TRIOBP: variants seen among roughly 807,000 people sequenced by gnomAD.
TRIOBP encodes the protein TRIO and F-actin-binding protein.
TRIOBP carries 169 observed loss-of-function variants against 238.8 expected under a neutral mutation model. The observed-to-expected ratio is 0.71, with a 90% confidence interval of 0.62 to 0.80. TRIOBP has a LOEUF of 0.80. TRIOBP is among the 30% of genes least tolerant of loss of function. The pLI is 0.00. For synonymous variants in TRIOBP, 1,150 were observed against 1,274.4 expected (o/e 0.90, Z 2.08); for missense variants, 2,838 against 3,122.6 (o/e 0.91, Z 2.17).
intron 11 of TRIOBP, 110 bp downstream of exon 11, chr22:37,741,142 C>T (rs1601643929): frequency 1.4e-6 from 2 of 1,408,292 alleles, no homozygotes; most frequent in Non-Finnish European, 9.6e-7. Context: ...GAGGAGGAGG[C>T]ACCTAGGGCC....
chr22:37,727,606 T>G (rs1255574607), intron 7 of TRIOBP, among the ~76,000 whole-genome samples: 1 of 152,106 alleles, frequency 6.6e-6, no homozygotes, highest in East Asian at 1.9e-4. Flanking sequence ...AGGCGGAGCT[T>G]GCAGTGAGCC....
In TRIOBP at chr22:37,769,137, A is replaced by T. The variant is rs1569063655; in HGVS notation, c.6685A>T (p.Thr2229Ser). The T allele has an allele frequency of 3.7e-6, 6 of 1,612,554 alleles. No individual in the cohort carries two copies. The highest frequency in any genetic ancestry group is 5.1e-6 in the Non-Finnish European group (6 of 1,179,790). Residue 2229 changes from threonine (T) to serine (S), a missense_variant, in exon 20 of 24, where the codon ACG (threonine) becomes TCG (serine). Coordinates refer to ENST00000644935, the MANE Select transcript of TRIOBP (RefSeq NM_001039141.3). ...LMRQAEEREHTLRRCQQEGQE... is the reference protein window; with the variant it reads ...LMRQAEEREHSLRRCQQEGQE... ...GCGGCAGGCTGAGGAGCGCGAGCAC[A>T]CGCTGCGCCGCTGCCAGCAGGAGGG...
chr22:37,764,057 G>A (rs560789868), intron 17 of TRIOBP, among the ~76,000 whole-genome samples: 4 of 152,262 alleles, frequency 2.6e-5, no homozygotes, highest in African/African-American at 7.2e-5. Flanking sequence ...TGAACTCTTC[G>A]CTTCTGCCCC....
chr22:37,714,908 T>C (rs553042809), intron 5 of TRIOBP, among the ~76,000 whole-genome samples: 1 of 152,242 alleles, frequency 6.6e-6, no homozygotes, highest in African/African-American at 2.4e-5. Context: ...AAGTGCTTTT[T>C]ACTGAGGCCA....
chr22:37,710,272 A>T (rs1187007939), intron 3 of TRIOBP, among the ~76,000 whole-genome samples, 155 bp from the exon 4 acceptor site: 1 of 152,216 alleles, frequency 6.6e-6, no homozygotes, highest in East Asian at 1.9e-4. Flanking sequence ...TTGAGTCCCA[A>T]GGGGTGCTTC....
intron 18 of TRIOBP, among the ~76,000 whole-genome samples, chr22:37,766,106 G>A (rs1926482515): frequency 6.6e-6 from 1 of 152,158 alleles, no homozygotes; most frequent in Non-Finnish European, 1.5e-5. Flanking sequence ...TCTGCCTAAA[G>A]GCACATGCTA....
Position 37,715,813 on chromosome 22 carries a change from G to T in TRIOBP, c.507G>T (p.Glu169Asp). 3 of 1,614,128 alleles carry T rather than the reference G, an allele frequency of 1.9e-6. No homozygotes were observed. The highest frequency in any genetic ancestry group is 1.1e-5 in the South Asian group (1 of 91,082). Residue 169 changes from glutamate (E) to aspartate (D), a missense_variant, in exon 6 of 24, where the codon GAG (glutamate) becomes GAT (aspartate). Coordinates refer to ENST00000644935, the MANE Select transcript of TRIOBP (RefSeq NM_001039141.3). Reference sequence around the variant, plus strand: ...AGGAGGAGGCCCCCAGCTGGGACGAGCTCGCAGTGATGATCCCGAGGAGGC... The same window carrying T: ...AGGAGGAGGCCCCCAGCTGGGACGATCTCGCAGTGATGATCCCGAGGAGGC... ...RQEEEAPSWD[E>D]LAVMIPRRPR...
chr22:37,771,637 C>G lies in TRIOBP; in HGVS notation c.6850-13C>G. 1 of 1,613,474 alleles carries G rather than the reference C, an allele frequency of 6.2e-7. No individual in the cohort carries two copies. The highest frequency in any genetic ancestry group is 8.5e-7 in the Non-Finnish European group (1 of 1,179,758). On this transcript the variant is annotated splice_polypyrimidine_tract_variant and intron_variant, in intron 21 of 23. Transcript: ENST00000644935. ...CTTCTGGCCCTGGGTCAGTCCAGCA[C>G]CTATATCCCCAGGTGCTGCTTCGCG...
rs192731128 is a variant in TRIOBP at position 37,716,977 on chromosome 22, G to A, written c.628+1043G>A. ...GTCATGGTTTCAAAGTATTGTGTCCGGAATTGGTGGGTTCTTGGTCTCACT... is the reference window on the plus strand; with the variant it reads ...GTCATGGTTTCAAAGTATTGTGTCCAGAATTGGTGGGTTCTTGGTCTCACT... On this transcript the variant is annotated intron_variant, in intron 6 of 23. Transcript: ENST00000644935. Among the ~76,000 whole-genome samples, 68 of 152,294 alleles carry A rather than the reference G, an allele frequency of 4.5e-4. No individual in the cohort carries two copies. The East Asian group carries it at 9.8e-3, about 22-fold the overall frequency.
rs779068519 is a variant in TRIOBP, at chr22:37,715,820, G to C, written c.514G>C (p.Val172Leu). Residue 172 changes from valine (V) to leucine (L), a missense_variant, in exon 6 of 24, where the codon GTG becomes CTG. Transcript: ENST00000644935. Reference protein sequence around the residue: ...EEAPSWDELAVMIPRRPREGP... With the variant: ...EEAPSWDELALMIPRRPREGP... ...GGCCCCCAGCTGGGACGAGCTCGCA[G>C]TGATGATCCCGAGGAGGCCTCGGGA... The C allele has an allele frequency of 9.3e-6, 15 of 1,614,006 alleles. No homozygotes were observed. The Admixed American group carries it at 2.3e-4, about 25-fold the overall frequency.
In TRIOBP at chr22:37,724,500, C is replaced by G; in HGVS notation, c.1944C>G (p.Pro648=). 1 of 1,603,916 alleles carries G rather than the reference C, an allele frequency of 6.2e-7. No individual in the cohort carries two copies. The highest frequency in any genetic ancestry group is 1.7e-5 in the Admixed American group (1 of 59,600). The change falls in exon 7 of 24, where the codon CCC becomes CCG. Residue 648 remains proline, a synonymous_variant. Transcript: ENST00000644935. ...ACAGAACCACCCAACAAGACAGCCCCAGAACATCCTGTGCCCGACGGGACG... is the reference window on the plus strand; with the variant it reads ...ACAGAACCACCCAACAAGACAGCCCGAGAACATCCTGTGCCCGACGGGACG... The part of the protein sequence containing the change: ...SPNRTTQQDS[P]RTSCARRDDP...
At chr22:37,729,198 G>A (rs1287020375) in intron 7 of TRIOBP, among the ~76,000 whole-genome samples, 2 of 150,950 alleles carry the variant, frequency 1.3e-5, no homozygotes, top group Non-Finnish European at 1.5e-5. Flanking sequence ...GATTATAGGC[G>A]TGAGCCACCG....
At chr22:37,717,717 C>T (rs1923595783) in intron 6 of TRIOBP, among the ~76,000 whole-genome samples, 1 of 152,206 alleles carries the variant, frequency 6.6e-6, no homozygotes, top group African/African-American at 2.4e-5. Context: ...ATTTACAATC[C>T]CTTAGCTAGA....
rs763012991 is a variant in TRIOBP, at chr22:37,725,640, G to A, written c.3084G>A (p.Ser1028=). Residue 1028 remains serine, a synonymous_variant, in exon 7 of 24, where the codon TCG becomes TCA. Transcript: ENST00000644935. ...IGHRDAPRAS[S]PPRYLQHDPF... ...ACCGGGATGCCCCTCGAGCCTCTTC[G>A]CCCCCTCGCTATTTGCAGCACGACC... The A allele has an allele frequency of 1.3e-5, 20 of 1,566,610 alleles. No homozygotes were observed. The African/African-American group carries it at 1.3e-4, about 10-fold the overall frequency.
chr22:37,738,333 T>TAGATGGTGGTC (rs11271015), intron 9 of TRIOBP, among the ~76,000 whole-genome samples: 1 of 151,824 alleles, frequency 6.6e-6, no homozygotes, highest in East Asian at 1.9e-4. Context: ...TGTCAGATGA[T>TAGATGGTGGTC]AGATGTTGGA....
chr22:37,716,972 T>C (rs1569037071), intron 6 of TRIOBP, among the ~76,000 whole-genome samples: 1 of 152,196 alleles, frequency 6.6e-6, no homozygotes, highest in Non-Finnish European at 1.5e-5. Flanking sequence ...CAAAGTATTG[T>C]GTCCGGAATT....
chr22:37,728,493 C>T (rs1444435015), intron 7 of TRIOBP, among the ~76,000 whole-genome samples: 1 of 152,092 alleles, frequency 6.6e-6, no homozygotes, highest in African/African-American at 2.4e-5. Context: ...TTCCAGTAAG[C>T]TTGATCATTT....
rs2145842926 is a variant in TRIOBP, at chr22:37,735,107, G to A, written c.4771G>A (p.Ala1591Thr). 6.2e-7 allele frequency: 1 copy of A among 1,608,202 alleles called. No individual in the cohort carries two copies. Residue 1591 changes from alanine (A) to threonine (T), a missense_variant, in exon 9 of 24, where the codon GCC (alanine) becomes ACC (threonine). Ala to Thr is a moderately conservative substitution (Grantham distance 58). Transcript: ENST00000644935. ...GGAGGGCCTCTTGGAGCTCCTGCAG[G>A]CCAGGCTGCCCCGCAAGGACCCAGC... ...DWEGLLELLQ[A>T]RLPRKDPAGH... is the part of the protein sequence containing the mutation.
chr22:37,708,851 G>A (rs1285301766), intron 3 of TRIOBP, among the ~76,000 whole-genome samples: 1 of 152,236 alleles, frequency 6.6e-6, no homozygotes, highest in Non-Finnish European at 1.5e-5. Context: ...TCAGAGCTGG[G>A]GACTGACCGT....
Sources: gnomAD v4.1 joint callset for allele counts (sites outside exome capture counted in the v4.1 genomes callset) on GRCh38, gnomAD v4.1.1 for gene constraint, MANE v1.5 for transcripts, NCBI Gene and HGNC (gene_info 2026-07-23, HGNC 2026-07-21) for gene names.